PCSK6: variants seen among roughly 807,000 people sequenced by gnomAD.
PCSK6 encodes the protein paired basic amino acid cleaving enzyme 4.
In PCSK6, 85 loss-of-function variants were observed where a neutral mutation model predicts 123.3. That is an observed-to-expected ratio of 0.69 (90% CI 0.58 to 0.83). The LOEUF is 0.83. Among genes scored for constraint, PCSK6 ranks in the 40% least tolerant of loss-of-function variants. PCSK6 has a pLI of 0.00. For synonymous variants in PCSK6, 508 were observed against 516.0 expected, an observed-to-expected ratio of 0.98 and a Z score of 0.21; for missense variants, 1,191 against 1,282.3, an observed-to-expected ratio of 0.93 and a Z score of 1.09.
intron 13 of PCSK6, among the ~76,000 whole-genome samples, chr15:101,340,766 C>T (rs117717510): frequency 2.4e-3 from 368 of 152,126 alleles, no homozygotes; most frequent in Non-Finnish European, 3.9e-3. Flanking sequence ...ATCCCTCTCC[C>T]GCCCCCACCT....
At chr15:101,361,172 T>C (rs924960536) in intron 13 of PCSK6, among the ~76,000 whole-genome samples, 7 of 152,164 alleles carry the variant, frequency 4.6e-5, no homozygotes, top group Admixed American at 2.6e-4. Context: ...CTCTTTTTTT[T>C]TTTTTTTTGG....
intron 1 of PCSK6, among the ~76,000 whole-genome samples, chr15:101,478,653 C>T (rs2057793348): frequency 6.6e-6 from 1 of 152,162 alleles, no homozygotes; most frequent in East Asian, 1.9e-4. Flanking sequence ...TCCAGACTTG[C>T]CGGTTCTGCC....
rs192273338 is a variant in PCSK6 at position 101,347,345 on chromosome 15, T to C, written c.1859-15314A>G. On this transcript the variant is annotated intron_variant, in intron 13 of 21. Coordinates refer to ENST00000611716, the MANE Select transcript of PCSK6 (RefSeq NM_002570.5). Reference sequence around the variant, plus strand: ...GCTAGCAATAAAATGAGAACAGTTATGCTCTTGGGAAAAAAGACATTGTTG... The same window carrying C: ...GCTAGCAATAAAATGAGAACAGTTACGCTCTTGGGAAAAAAGACATTGTTG... The C allele has an allele frequency of 1.7e-3, 2,047 of 1,239,260 alleles. 11 individuals carry two copies. Among genetic ancestry groups the C allele is most frequent in the Middle Eastern group, 0.011 (36 of 3,228 alleles). 76.8% of individuals were successfully genotyped at this position (1,239,260 alleles called of 1,614,324 possible). A position where few individuals can be genotyped will look rare whatever the true frequency, so the allele number is the denominator to read the frequency against.
chr15:101,447,094 A>G (rs1417353188), intron 1 of PCSK6, among the ~76,000 whole-genome samples: 1 of 152,116 alleles, frequency 6.6e-6, no homozygotes, highest in Admixed American at 6.5e-5. Context: ...TGATACAGCC[A>G]TTGCTGTCTC....
chr15:101,420,711 G>T (rs2056057098), intron 6 of PCSK6, among the ~76,000 whole-genome samples: 1 of 152,006 alleles, frequency 6.6e-6, no homozygotes, highest in African/African-American at 2.4e-5. Context: ...TATGAAAAGG[G>T]GGCACAAATC....
chr15:101,313,491 C>T lies in PCSK6; in HGVS notation c.2584G>A (p.Glu862Lys). ...CGTCVGPGRE[E>K]CIHCAKNFHF... ...AAGTTTTTCGCACAGTGAATGCACT[C>T]TTCTCTGCCTGGCCCTGAGAGACAC... The change falls in exon 20 of 22, where the codon GAG becomes AAG. Residue 862 changes from glutamate (E) to lysine (K), a missense_variant. Physicochemically the swap from Glu to Lys is moderately conservative, Grantham distance 56 (BLOSUM62 1). Transcript: ENST00000611716. 6.2e-7 allele frequency: 1 copy of T among 1,602,832 alleles called. No homozygotes were observed. Among genetic ancestry groups the T allele is most frequent in the Non-Finnish European group, 8.5e-7 (1 of 1,177,116 alleles).
At chr15:101,329,107 G>T (rs374162488) in intron 15 of PCSK6, among the ~76,000 whole-genome samples, 1 of 152,168 alleles carries the variant, frequency 6.6e-6, no homozygotes, top group East Asian at 1.9e-4. Flanking sequence ...ATACAAGGGG[G>T]GCTCCGTTCA....
intron 20 of PCSK6, among the ~76,000 whole-genome samples, chr15:101,310,878 C>T (rs929250683): frequency 6.6e-6 from 1 of 152,206 alleles, no homozygotes; most frequent in African/African-American, 2.4e-5. Context: ...TGACACAAGC[C>T]TTTGAGGGCT....
chr15:101,383,270 G>C (rs1001110851), intron 10 of PCSK6, among the ~76,000 whole-genome samples: 1 of 151,948 alleles, frequency 6.6e-6, no homozygotes, highest in Non-Finnish European at 1.5e-5. Context: ...AGCTGGGCGT[G>C]GTAGCAGGCA....
chr15:101,326,607 C>G (rs1596186390), intron 15 of PCSK6, 128 bp from the exon 16 acceptor site: 1 of 862,026 alleles, frequency 1.2e-6, no homozygotes, highest in South Asian at 1.7e-5. Context: ...CCCGCTGGGG[C>G]TGGACGGCCA....
intron 19 of PCSK6, among the ~76,000 whole-genome samples, chr15:101,314,850 CTCTG>C (rs1352832999): frequency 2.0e-5 from 3 of 152,310 alleles, no homozygotes; most frequent in East Asian, 3.9e-4. Context: ...GGGGGCGGGA[CTCTG>C]TCTGGTTTAT....
chr15:101,466,459 T>G (rs1451261516), intron 1 of PCSK6, among the ~76,000 whole-genome samples: 1 of 152,128 alleles, frequency 6.6e-6, no homozygotes, highest in Non-Finnish European at 1.5e-5. Context: ...AATGTAAACA[T>G]AGAGCTGCCA....
At position 101,358,304 on chromosome 15, in the gene PCSK6, T is replaced by TA. The variant is rs112690058; in HGVS notation, c.1858+7891dup. 5.1e-3 allele frequency among the ~76,000 whole-genome samples: 770 copies of TA among 151,534 alleles called. 7 individuals carry two copies. The highest frequency in any genetic ancestry group is 0.017 in the African/African-American group (684 of 41,298). ...GCCTGTATTTTCTATGCTACTAAGA[T>TA]AAAAAAAAACAAAGTGACACTGGGG... On this transcript the variant is annotated intron_variant, in intron 13 of 21. Transcript: ENST00000611716.
chr15:101,435,076 G>T (rs1332266500), intron 2 of PCSK6, among the ~76,000 whole-genome samples: 2 of 152,154 alleles, frequency 1.3e-5, no homozygotes, highest in Non-Finnish European at 2.9e-5. Context: ...CAGGACCAAA[G>T]TGCCTCCCCC....
At position 101,489,377 on chromosome 15, in the gene PCSK6, G is replaced by C. The variant is rs1207396552; in HGVS notation, c.294C>G (p.Gly98=). Residue 98 remains glycine (G), a synonymous_variant, in exon 1 of 22, where the codon GGC becomes GGG. Transcript: ENST00000611716. The part of the protein sequence containing the change: ...VAAAHGYLNL[G]QIGNLEDYYH... ...GCGCGGGGCCGGCCGCACTCACCTGGCCCAAGTTGAGGTACCCGTGCGCCG... is the reference window on the plus strand; with the variant it reads ...GCGCGGGGCCGGCCGCACTCACCTGCCCCAAGTTGAGGTACCCGTGCGCCG... 44 of 1,242,924 alleles carry C rather than the reference G, an allele frequency of 3.5e-5. 1 individual carries two copies. The highest frequency in any genetic ancestry group is 4.3e-5 in the Non-Finnish European group (42 of 980,910). The allele number at this position is 1,242,924 out of a possible 1,614,324, so 77.0% of individuals were successfully genotyped here. A position where few individuals can be genotyped will look rare whatever the true frequency, so the allele number is the denominator to read the frequency against.
intron 1 of PCSK6, among the ~76,000 whole-genome samples, chr15:101,482,546 A>G (rs551604760): frequency 6.6e-6 from 1 of 152,158 alleles, no homozygotes; most frequent in Admixed American, 6.5e-5. Context: ...GATCCAAAAA[A>G]GCTCAGGACG....
chr15:101,312,701 G>A (rs570862839), intron 20 of PCSK6, among the ~76,000 whole-genome samples: 4 of 152,216 alleles, frequency 2.6e-5, no homozygotes, highest in East Asian at 1.9e-4. Context: ...GAGTGGTGGC[G>A]GGTGCCTGTA....
chr15:101,332,133 C>CCCAGCTA, intron 13 of PCSK6, 102 bp from the exon 14 acceptor site: 3 of 1,059,876 alleles, frequency 2.8e-6, no homozygotes, highest in South Asian at 1.7e-5. Flanking sequence ...GATAGCTGGG[C>CCCAGCTA]TCTGGCCTGC....
intron 13 of PCSK6, among the ~76,000 whole-genome samples, chr15:101,348,182 C>CCCCTAT (rs2040791647): frequency 6.6e-6 from 1 of 152,210 alleles, no homozygotes; most frequent in East Asian, 1.9e-4. Context: ...CCGGCCCCTG[C>CCCCTAT]GCCTCCGCTG....
Sources: gnomAD v4.1 joint callset for allele counts (sites outside exome capture counted in the v4.1 genomes callset) on GRCh38, gnomAD v4.1.1 for gene constraint, MANE v1.5 for transcripts, NCBI Gene and HGNC (gene_info 2026-07-23, HGNC 2026-07-21) for gene names.